The following SULF2 variants were observed in gnomAD, a reference collection of about 807,000 sequenced individuals.
The protein encoded by SULF2 is sulfatase 2, also known as extracellular sulfatase Sulf-2.
In SULF2, 52 loss-of-function variants were observed where a neutral mutation model predicts 107.7. That is an observed-to-expected ratio of 0.48 (90% CI 0.39 to 0.61). The LOEUF is 0.61. Among genes scored for constraint, SULF2 ranks in the 20% least tolerant of loss-of-function variants. The pLI, the probability that SULF2 is intolerant of heterozygous loss-of-function variation, is 0.00. For synonymous variants in SULF2, 460 were observed against 464.3 expected, an observed-to-expected ratio of 0.99 and a Z score of 0.12; for missense variants, 993 against 1,177.3, an observed-to-expected ratio of 0.84 and a Z score of 2.29.
In SULF2 at chr20:47,736,896, G is replaced by A. The variant is rs983061029; in HGVS notation, c.222C>T (p.Gly74=). The A allele has an allele frequency of 1.2e-5, 19 of 1,614,116 alleles. No homozygotes were observed. Among genetic ancestry groups the A allele is most frequent in the Middle Eastern group, 3.3e-4 (2 of 6,084 alleles). The part of the protein sequence containing the change: ...MNKTRRIMEQ[G]GAHFINAFVT... ...CGAAGGCGTTGATGAAGTGCGCCCC[G>A]CCCTGCTCCATGATGCGCCGGGTCT... The change falls in exon 3 of 21, where the codon GGC becomes GGT. Residue 74 remains glycine (G), a synonymous_variant. Transcript: ENST00000688720.
At chr20:47,783,423 T>G (rs1176253406) in intron 1 of SULF2, among the ~76,000 whole-genome samples, 4 of 152,178 alleles carry the variant, frequency 2.6e-5, no homozygotes, top group African/African-American at 9.7e-5. Flanking sequence ...GAAGGAAATG[T>G]TATCTCCCAA....
chr20:47,714,592 A>AG, intron 3 of SULF2, among the ~76,000 whole-genome samples: 1 of 152,294 alleles, frequency 6.6e-6, no homozygotes, highest in African/African-American at 2.4e-5. Flanking sequence ...AGCAGCCAGA[A>AG]GGATCCCATT....
At chr20:47,729,662 C>A (rs980034587) in intron 3 of SULF2, among the ~76,000 whole-genome samples, 1 of 152,026 alleles carries the variant, frequency 6.6e-6, no homozygotes, top group African/African-American at 2.4e-5. Flanking sequence ...CGAGGAGAAG[C>A]CTGTGAGAGG....
chr20:47,736,439 C>CTA, intron 3 of SULF2, among the ~76,000 whole-genome samples: 1 of 152,248 alleles, frequency 6.6e-6, no homozygotes, highest in East Asian at 1.9e-4. Context: ...CCTCTCCACA[C>CTA]TATGATTCAT....
chr20:47,702,792 G>A, intron 3 of SULF2, 122 bp from the exon 4 acceptor site: 1 of 769,796 alleles, frequency 1.3e-6, no homozygotes, highest in East Asian at 2.7e-5. Flanking sequence ...CTGGCACACA[G>A]AGCAATGGAT....
At chr20:47,671,881 ATTG>A (rs2087483918) in intron 11 of SULF2, among the ~76,000 whole-genome samples, 2 of 150,202 alleles carry the variant, frequency 1.3e-5, no homozygotes, top group Non-Finnish European at 3.0e-5. Flanking sequence ...CATCTGGCTA[ATTG>A]TTGTATTTTT....
intron 2 of SULF2, among the ~76,000 whole-genome samples, chr20:47,748,350 T>C (rs1484297604): frequency 6.6e-6 from 1 of 152,192 alleles, no homozygotes; most frequent in East Asian, 1.9e-4. Flanking sequence ...GTCTCCCCAG[T>C]GTTAGGCCAC....
chr20:47,759,636 G>A (rs998915547), intron 1 of SULF2, among the ~76,000 whole-genome samples: 1 of 152,212 alleles, frequency 6.6e-6, no homozygotes, highest in Non-Finnish European at 1.5e-5. Flanking sequence ...AGGTTGCAGT[G>A]AGCCGAGATC....
Position 47,736,656 on chromosome 20 carries a change from G to C in SULF2, c.415+47C>G, listed in dbSNP as rs764324376. On this transcript the variant is annotated intron_variant, in intron 3 of 20. Transcript: ENST00000688720. ...GTGCAGACCACACCTAGGGACGCCC[G>C]CCCTGGCTGTCACTCCCTTCCTGCA... 2.5e-6 allele frequency: 4 copies of C among 1,609,724 alleles called. No individual in the cohort carries two copies. The Admixed American group carries it at 6.7e-5, about 27-fold the overall frequency.
chr20:47,695,973 CTTCTT>C (rs771416444), intron 4 of SULF2, among the ~76,000 whole-genome samples: 30 of 152,188 alleles, frequency 2.0e-4, no homozygotes, highest in Admixed American at 5.2e-4. Context: ...GAAAAATGCT[CTTCTT>C]TTGATTGTTT....
In SULF2 at chr20:47,678,905, G is replaced by A; in HGVS notation, c.1065-101C>T. 1 of 976,996 alleles carries A rather than the reference G, an allele frequency of 1.0e-6. No individual in the cohort carries two copies. Among genetic ancestry groups the A allele is most frequent in the Non-Finnish European group, 1.6e-6 (1 of 629,596 alleles). The allele number at this position is 976,996 out of a possible 1,614,324, so 60.5% of individuals were successfully genotyped here. ...GTAGGTGGGCAGCAGTTTGTGGGAG[G>A]CTGACATCTGCAGGTATGGAAGCTG... On this transcript the variant is annotated intron_variant, in intron 7 of 20. Coordinates refer to ENST00000688720, the MANE Select transcript of SULF2 (RefSeq NM_001387048.1). This position sits in a 1 kb window ranked among gnomAD's most constrained non-coding sequence, Gnocchi z 4.5.
intron 3 of SULF2, among the ~76,000 whole-genome samples, chr20:47,729,152 G>A (rs949983538): frequency 2.0e-5 from 3 of 152,080 alleles, no homozygotes; most frequent in African/African-American, 7.2e-5. Context: ...TTTGAGAAAA[G>A]GAAAGAAGTG....
At chr20:47,725,381 T>C (rs2089412004) in intron 3 of SULF2, among the ~76,000 whole-genome samples, 3 of 152,174 alleles carry the variant, frequency 2.0e-5, no homozygotes, top group Admixed American at 2.0e-4. Flanking sequence ...AGTGATGTGG[T>C]AGGAAACTCA....
intron 3 of SULF2, among the ~76,000 whole-genome samples, chr20:47,712,429 C>A (rs562782840): frequency 4.6e-5 from 7 of 152,196 alleles, no homozygotes; most frequent in African/African-American, 1.7e-4. Flanking sequence ...CTATAGTCAC[C>A]GGGCTGTTTA....
At chr20:47,726,494 C>A (rs1489174039) in intron 3 of SULF2, among the ~76,000 whole-genome samples, 1 of 152,188 alleles carries the variant, frequency 6.6e-6, no homozygotes, top group East Asian at 1.9e-4. Context: ...GGATTACAGG[C>A]CCAGCCATAG....
chr20:47,729,279 A>C (rs1275003062), intron 3 of SULF2, among the ~76,000 whole-genome samples: 1 of 152,076 alleles, frequency 6.6e-6, no homozygotes, highest in Non-Finnish European at 1.5e-5. Context: ...GAAGGGAAGG[A>C]TCACTGGGAC....
At position 47,659,651 on chromosome 20, in the gene SULF2, C is replaced by T. The variant is rs906262693; in HGVS notation, c.2528+46G>A. ...ACAGAGATGAGACTGAAGGATGGGC[C>T]AAGATAGGAGAACTTTGTTTAGGCT... On this transcript the variant is annotated intron_variant, in intron 19 of 20. Coordinates refer to ENST00000688720, the MANE Select transcript of SULF2 (RefSeq NM_001387048.1). 1.6e-5 allele frequency: 25 copies of T among 1,556,812 alleles called. No homozygotes were observed. The East Asian group carries it at 5.4e-4, about 33-fold the overall frequency.
At chr20:47,695,289 T>TA (rs11482656) in intron 4 of SULF2, among the ~76,000 whole-genome samples, 3,710 of 150,042 alleles carry the variant, frequency 0.025, 142 homozygotes, top group African/African-American at 0.078. Flanking sequence ...TTTATTGTGG[T>TA]AAAAAAAAAA....
intron 3 of SULF2, among the ~76,000 whole-genome samples, chr20:47,732,593 G>T (rs1457607400): frequency 6.6e-6 from 1 of 152,076 alleles, no homozygotes; most frequent in African/African-American, 2.4e-5. Flanking sequence ...TGTAATCCTA[G>T]CCCTTTGGGA....
Sources: allele counts gnomAD v4.1 joint callset (sites outside exome capture counted in the v4.1 genomes callset), GRCh38; gene constraint gnomAD v4.1.1; non-coding constraint Gnocchi (gnomAD v3.1); transcripts MANE v1.5; gene names NCBI Gene and HGNC (gene_info 2026-07-23, HGNC 2026-07-21).